Variants in GPC6 observed in about 807,000 individuals in gnomAD.
GPC6 encodes the protein glypican-6.
GPC6 carries 14 observed loss-of-function variants against 55.2 expected under a neutral mutation model. The ratio of observed to expected loss-of-function variants is 0.25; its 90% CI spans 0.17 to 0.40. The LOEUF is 0.40. Among genes scored for constraint, GPC6 ranks in the 10% least tolerant of loss-of-function variants. GPC6 has a pLI of 1.00. For missense variants in GPC6, 641 were observed against 708.5 expected (o/e 0.90, Z 1.08); for synonymous variants, 278 against 259.6 (o/e 1.07, Z -0.68).
chr13:93,266,167 T>A (rs1418188156), intron 1 of GPC6, among the ~76,000 whole-genome samples: 1 of 152,182 alleles, frequency 6.6e-6, no homozygotes, highest in Non-Finnish European at 1.5e-5. Flanking sequence ...TAGTAATTAG[T>A]TATGTTTTAC....
intron 2 of GPC6, among the ~76,000 whole-genome samples, chr13:93,599,758 C>T (rs1424474370): frequency 1.3e-5 from 2 of 152,142 alleles, no homozygotes; most frequent in African/African-American, 4.8e-5. Context: ...TGAGGGTTAG[C>T]TTAATTTAAA....
At chr13:93,364,164 CT>C (rs1175440240) in intron 1 of GPC6, among the ~76,000 whole-genome samples, 1 of 152,020 alleles carries the variant, frequency 6.6e-6, no homozygotes, top group African/African-American at 2.4e-5. Flanking sequence ...TCAATTTTGG[CT>C]TTTGTTGCCA....
chr13:93,866,117 G>C (rs1476561596), intron 3 of GPC6, among the ~76,000 whole-genome samples: 1 of 151,728 alleles, frequency 6.6e-6, no homozygotes, highest in Non-Finnish European at 1.5e-5. Context: ...AAGCAGGTAA[G>C]TGGTGGGATG....
chr13:93,499,142 G>T (rs941525944), intron 1 of GPC6, among the ~76,000 whole-genome samples: 5 of 150,926 alleles, frequency 3.3e-5, no homozygotes, highest in Admixed American at 2.0e-4. Flanking sequence ...CACATGTTTT[G>T]AGGGCAAAGG....
chr13:94,234,133 G>A (rs1180308252), intron 4 of GPC6, among the ~76,000 whole-genome samples: 1 of 152,090 alleles, frequency 6.6e-6, no homozygotes, highest in Non-Finnish European at 1.5e-5. Context: ...GCAATGCTGG[G>A]AGACAGAAGA....
At chr13:93,648,289 G>T (rs1418078938) in intron 2 of GPC6, among the ~76,000 whole-genome samples, 1 of 152,092 alleles carries the variant, frequency 6.6e-6, no homozygotes, top group Non-Finnish European at 1.5e-5. Flanking sequence ...CAGGTGTAAG[G>T]CTTCTCGTGT....
chr13:93,572,673 T>A (rs567217032), intron 2 of GPC6, among the ~76,000 whole-genome samples: 1 of 152,342 alleles, frequency 6.6e-6, no homozygotes, highest in African/African-American at 2.4e-5. Context: ...AGAGATAGTA[T>A]ACCTAATTGG....
chr13:93,873,944 C>T (rs1711952763), intron 3 of GPC6, among the ~76,000 whole-genome samples: 4 of 151,940 alleles, frequency 2.6e-5, no homozygotes, highest in Admixed American at 2.6e-4. Flanking sequence ...CACTGCTCCA[C>T]CTTACTCTCA....
At chr13:94,394,023 A>G (rs958807665) in intron 7 of GPC6, among the ~76,000 whole-genome samples, 22 of 152,168 alleles carry the variant, frequency 1.4e-4, no homozygotes, top group African/African-American at 5.1e-4. Context: ...AGAACTGTCA[A>G]TTCTACCCAC....
At chr13:93,957,396 C>G (rs758001399) in intron 3 of GPC6, among the ~76,000 whole-genome samples, 1 of 152,050 alleles carries the variant, frequency 6.6e-6, no homozygotes, top group Non-Finnish European at 1.5e-5. Flanking sequence ...CTCCACTAGT[C>G]GGCAGTGACC....
At chr13:94,191,379 T>C (rs1350477767) in intron 4 of GPC6, among the ~76,000 whole-genome samples, 3 of 152,192 alleles carry the variant, frequency 2.0e-5, no homozygotes, top group African/African-American at 7.2e-5. Context: ...CAGGGATTAC[T>C]GGCTTTAAAT....
At chr13:93,970,246 G>A (rs1190404148) in intron 3 of GPC6, among the ~76,000 whole-genome samples, 2 of 152,072 alleles carry the variant, frequency 1.3e-5, no homozygotes, top group African/African-American at 2.4e-5. Context: ...TAATTAACCT[G>A]TCACGAAAAA....
At chr13:93,275,407 T>C (rs1449688096) in intron 1 of GPC6, among the ~76,000 whole-genome samples, 1 of 152,016 alleles carries the variant, frequency 6.6e-6, no homozygotes, top group Non-Finnish European at 1.5e-5. Flanking sequence ...CAGAATACTA[T>C]GTTTGACTAG....
intron 2 of GPC6, among the ~76,000 whole-genome samples, chr13:93,810,140 G>A (rs1886653894): frequency 6.6e-6 from 1 of 152,056 alleles, no homozygotes; most frequent in African/African-American, 2.4e-5. Flanking sequence ...CTGAATCTCT[G>A]TTTAGGCTCA....
chr13:94,221,921 C>T (rs1446300743), intron 4 of GPC6, among the ~76,000 whole-genome samples: 1 of 151,958 alleles, frequency 6.6e-6, no homozygotes, highest in African/African-American at 2.4e-5. Flanking sequence ...CAGGAATTAA[C>T]ACCACAGTCT....
chr13:94,192,539 C>A (rs957325671), intron 4 of GPC6, among the ~76,000 whole-genome samples: 12 of 152,162 alleles, frequency 7.9e-5, no homozygotes, highest in African/African-American at 2.4e-4. Context: ...GATTAGTCAA[C>A]GTGCCAGTAA....
intron 2 of GPC6, among the ~76,000 whole-genome samples, chr13:93,592,367 A>G (rs1877528884): frequency 6.8e-6 from 1 of 146,702 alleles, no homozygotes; most frequent in African/African-American, 2.5e-5. Flanking sequence ...TAAAATATAT[A>G]TATATATAAA....
Position 93,534,886 on chromosome 13 carries a change from G to A in GPC6, c.161-10377G>A, listed in dbSNP as rs551135129. Among the ~76,000 whole-genome samples the A allele has an allele frequency of 2.0e-5, 3 of 152,162 alleles. No individual in the cohort carries two copies. In the South Asian group the frequency reaches 6.2e-4, roughly 32 times the overall value. Reference sequence around the variant, plus strand: ...TTGTGAAGAGCTCTGTAAAAAGGTGGGGACCCAAGGAACTCACTGGCATTC... The same window carrying A: ...TTGTGAAGAGCTCTGTAAAAAGGTGAGGACCCAAGGAACTCACTGGCATTC... On this transcript the variant is annotated intron_variant, in intron 1 of 8. Coordinates refer to ENST00000377047, the MANE Select transcript of GPC6 (RefSeq NM_005708.5).
intron 2 of GPC6, among the ~76,000 whole-genome samples, chr13:93,716,121 G>A (rs79290102): frequency 6.6e-6 from 1 of 151,572 alleles, no homozygotes; most frequent in Admixed American, 6.6e-5. Flanking sequence ...TTACTCTGCT[G>A]CCAGTTGTAT....
Sources: gnomAD v4.1 joint callset for allele counts (sites outside exome capture counted in the v4.1 genomes callset) on GRCh38, gnomAD v4.1.1 for gene constraint, MANE v1.5 for transcripts, NCBI Gene and HGNC (gene_info 2026-07-23, HGNC 2026-07-21) for gene names.